The following DELE1 variants were observed in gnomAD, a reference collection of about 807,000 sequenced individuals.
DELE1 encodes the protein death ligand signal enhancer.
In DELE1, 54 loss-of-function variants were observed where a neutral mutation model predicts 59.3. The ratio of observed to expected loss-of-function variants is 0.91; its 90% CI spans 0.73 to 1.14. The LOEUF is 1.14. Among genes scored for constraint, DELE1 ranks in the 50% most tolerant of loss-of-function variants. DELE1 has a pLI of 0.00. For synonymous variants in DELE1, 264 were observed against 259.1 expected (o/e 1.02, Z -0.18); for missense variants, 636 against 643.9 (o/e 0.99, Z 0.13).
At chr5:141,931,919 C>T (rs368740377) in intron 7 of DELE1, among the ~76,000 whole-genome samples, 3 of 152,168 alleles carry the variant, frequency 2.0e-5, no homozygotes, top group Admixed American at 6.5e-5. Context: ...GGTGGCAGAA[C>T]GCGAAAGGAG....
chr5:141,938,990 A>G lies in DELE1; in HGVS notation c.*231A>G. On this transcript the variant is annotated 3_prime_UTR_variant, in exon 12 of 12. Transcript: ENST00000432126. ...CAGTCATTTCTGGTCTGTGCACCAA[A>G]GGATGCATTCAGTGACCTATGAAAA... The G allele has an allele frequency of 2.2e-6, 3 of 1,361,414 alleles. No individual in the cohort carries two copies. In the East Asian group the frequency reaches 8.8e-5, roughly 40 times the overall value. 84.3% of individuals were successfully genotyped at this position (1,361,414 alleles called of 1,614,324 possible).
At chr5:141,936,938 C>G in intron 10 of DELE1, 1 of 1,259,308 alleles carries the variant, frequency 7.9e-7, no homozygotes, top group South Asian at 2.2e-5. Context: ...TTTCAGCCAG[C>G]CTATGCAAGA....
chr5:141,939,336 TA>T lies in DELE1; in HGVS notation c.*581del. On this transcript the variant is annotated 3_prime_UTR_variant, in exon 12 of 12. Transcript: ENST00000432126. ...AATCAGTTTAAAGAAAAACATAACG[TA>T]AAAGTGGGCACAGATCCAGAGAGGT... 2.3e-6 allele frequency: 2 copies of T among 864,152 alleles called. No homozygotes were observed. The highest frequency in any genetic ancestry group is 5.3e-5 in the South Asian group (1 of 18,816). 53.5% of individuals were successfully genotyped at this position (864,152 alleles called of 1,614,324 possible).
chr5:141,941,167 T>A lies in DELE1; in HGVS notation c.*2408T>A. On this transcript the variant is annotated 3_prime_UTR_variant, in exon 12 of 12. Coordinates refer to ENST00000432126, the MANE Select transcript of DELE1 (RefSeq NM_014773.5). The stretch of plus-strand genomic sequence containing the variant: ...GGTCATTTTGGATTTTCTGACTACT[T>A]CCTTCTAGCCATAGCTGGGGCCGAG... 3.0e-6 allele frequency: 3 copies of A among 985,444 alleles called. No individual in the cohort carries two copies. The highest frequency in any genetic ancestry group is 2.4e-6 in the Non-Finnish European group (2 of 829,956). The allele number at this position is 985,444 out of a possible 1,614,324, so 61.0% of individuals were successfully genotyped here.
rs137927996 is a variant in DELE1 at position 141,941,971 on chromosome 5, G to GCACA, written c.*3224_*3227dup. ...TCGCCGCCTATACACACGCACACAC[G>GCACA]CACACACACACACACGGTTTCCTGT... On this transcript the variant is annotated 3_prime_UTR_variant, in exon 12 of 12. Transcript: ENST00000432126. 5.3e-6 allele frequency: 5 copies of GCACA among 952,334 alleles called. No individual in the cohort carries two copies. The highest frequency in any genetic ancestry group is 4.8e-5 in the South Asian group (1 of 20,700). The allele number at this position is 952,334 out of a possible 1,614,324, so 59.0% of individuals were successfully genotyped here. A position where few individuals can be genotyped will look rare whatever the true frequency, so the allele number is the denominator to read the frequency against.
At chr5:141,931,181 T>C (rs928661071) in intron 7 of DELE1, 2 of 152,188 alleles carry the variant, frequency 1.3e-5, no homozygotes, top group African/African-American at 4.8e-5. Flanking sequence ...CAGCCACTTT[T>C]GTTTCAATCT....
chr5:141,937,087 C>A, intron 10 of DELE1, 111 bp from the exon 11 acceptor site: 1 of 1,554,980 alleles, frequency 6.4e-7, no homozygotes, highest in Non-Finnish European at 8.7e-7. Flanking sequence ...GGGCCTTGAC[C>A]GTGTGTGGAT....
intron 10 of DELE1, among the ~76,000 whole-genome samples, chr5:141,936,207 T>C (rs1478469852): frequency 6.6e-6 from 1 of 152,188 alleles, no homozygotes; most frequent in Non-Finnish European, 1.5e-5. Context: ...GCTATTAGCA[T>C]CCCACTTTAT....
rs538284688 is a variant in DELE1, at chr5:141,928,369, A to G, written c.412+71A>G. 3.0e-5 allele frequency: 46 copies of G among 1,513,456 alleles called. No individual in the cohort carries two copies. In the African/African-American group the frequency reaches 5.1e-4, roughly 17 times the overall value. The allele number at this position is 1,513,456 out of a possible 1,614,324, so 93.8% of individuals were successfully genotyped here. On this transcript the variant is annotated intron_variant, in intron 4 of 11. Transcript: ENST00000432126. Reference sequence around the variant, plus strand: ...TCTGGGCCAGGAAGCGTCTCTGGACACACCTCAGGAAAAGAGCCATCAGCA... The same window carrying G: ...TCTGGGCCAGGAAGCGTCTCTGGACGCACCTCAGGAAAAGAGCCATCAGCA...
intron 4 of DELE1, 95 bp downstream of exon 4, chr5:141,928,393 C>G: frequency 7.2e-7 from 1 of 1,396,860 alleles, no homozygotes; most frequent in Non-Finnish European, 9.7e-7. Context: ...GAGCCATCAG[C>G]AGCTCCTTGC....
Position 141,928,358 on chromosome 5 carries a change from C to T in DELE1, c.412+60C>T, listed in dbSNP as rs187551916. ...CTGGGCGTTTCTCTGGGCCAGGAAG[C>T]GTCTCTGGACACACCTCAGGAAAAG... On this transcript the variant is annotated intron_variant, in intron 4 of 11. Coordinates refer to ENST00000432126, the MANE Select transcript of DELE1 (RefSeq NM_014773.5). The T allele has an allele frequency of 2.3e-5, 36 of 1,545,408 alleles. 1 individual carries two copies. The highest frequency in any genetic ancestry group is 1.8e-4 in the African/African-American group (13 of 72,656).
rs1433687231 is a variant in DELE1, at chr5:141,929,572, C to T, written c.413-10C>T. The T allele has an allele frequency of 2.5e-6, 4 of 1,612,302 alleles. No individual in the cohort carries two copies. Among genetic ancestry groups the T allele is most frequent in the Non-Finnish European group, 3.4e-6 (4 of 1,179,432 alleles). On this transcript the variant is annotated splice_polypyrimidine_tract_variant and intron_variant, in intron 4 of 11. Coordinates refer to ENST00000432126, the MANE Select transcript of DELE1 (RefSeq NM_014773.5). ...GCCCAGACCTGACTACTCTTGCTGG[C>T]TCTTTCCAGCACTGCGACAACACAT... is the stretch of plus-strand genomic sequence containing the variant.
intron 8 of DELE1, 114 bp from the exon 9 acceptor site, chr5:141,934,126 C>A: frequency 2.5e-6 from 2 of 789,984 alleles, no homozygotes; most frequent in Non-Finnish European, 1.8e-6. Flanking sequence ...AATTTTCTGA[C>A]TAGTCTATAA....
At chr5:141,924,258 G>T (rs1751183229) in intron 1 of DELE1, among the ~76,000 whole-genome samples, 1 of 152,128 alleles carries the variant, frequency 6.6e-6, no homozygotes, top group Non-Finnish European at 1.5e-5. Context: ...GGGGCCAATG[G>T]AGTAGGCATA....
Position 141,941,226 on chromosome 5 carries a change from T to G in DELE1, c.*2467T>G. 1 of 985,452 alleles carries G rather than the reference T, an allele frequency of 1.0e-6. No homozygotes were observed. Among genetic ancestry groups the G allele is most frequent in the Non-Finnish European group, 1.2e-6 (1 of 829,966 alleles). The allele number at this position is 985,452 out of a possible 1,614,324, so 61.0% of individuals were successfully genotyped here. On this transcript the variant is annotated 3_prime_UTR_variant, in exon 12 of 12. Transcript: ENST00000432126. ...CACAGTCTGGCCACTGGGCGTCCTG[T>G]GGTGAAGGCCAGATGCAGCCCTCCC...
chr5:141,936,722 C>A, intron 10 of DELE1: 1 of 289,704 alleles, frequency 3.5e-6, no homozygotes, highest in Non-Finnish European at 5.1e-6. Context: ...TGTGAGCCAC[C>A]GCGCCCAGGC....
chr5:141,937,300 C>A lies in DELE1; in HGVS notation c.1252C>A (p.Leu418Met). The change falls in exon 11 of 12, where the codon CTG becomes ATG. Residue 418 changes from leucine (L) to methionine (M), a missense_variant. By Grantham distance (15) the Leu-to-Met change is conservative. Transcript: ENST00000432126. ...GAGATGTTACCAGCAGTCAGCCGCTCTGGGAAATGAGGCCGCCCAGGAGAG... is the reference window on the plus strand; with the variant it reads ...GAGATGTTACCAGCAGTCAGCCGCTATGGGAAATGAGGCCGCCCAGGAGAG... ...ALRCYQQSAA[L>M]GNEAAQERLR... 3 of 1,614,198 alleles carry A rather than the reference C, an allele frequency of 1.9e-6. No individual in the cohort carries two copies.
At position 141,941,893 on chromosome 5, in the gene DELE1, TTGAA is replaced by T. The variant is rs1475183119; in HGVS notation, c.*3140_*3143del. ...GCACATAGTAGGTACTTTAAGTAAT[TTGAA>T]TGAATAATTTTAAATAACTTGAATG... On this transcript the variant is annotated 3_prime_UTR_variant, in exon 12 of 12. Transcript: ENST00000432126. 2.0e-6 allele frequency: 2 copies of T among 985,312 alleles called. No individual in the cohort carries two copies. Among genetic ancestry groups the T allele is most frequent in the African/African-American group, 1.7e-5 (1 of 57,288 alleles). The allele number at this position is 985,312 out of a possible 1,614,324, so 61.0% of individuals were successfully genotyped here.
At chr5:141,933,237 T>G (rs1388233119) in intron 7 of DELE1, 22 bp from the exon 8 acceptor site, 1 of 1,513,282 alleles carries the variant, frequency 6.6e-7, no homozygotes, top group South Asian at 1.2e-5. Context: ...AAGCTGTGTT[T>G]GTGCCCTGTG....
Sources: gnomAD v4.1 joint callset for allele counts (sites outside exome capture counted in the v4.1 genomes callset) on GRCh38, gnomAD v4.1.1 for gene constraint, MANE v1.5 for transcripts, NCBI Gene and HGNC (gene_info 2026-07-23, HGNC 2026-07-21) for gene names.